Variants in SLC16A7 observed in about 807,000 individuals in gnomAD.
SLC16A7 encodes the protein solute carrier family 16 member 7, also known as monocarboxylate transporter 2.
SLC16A7 carries 33 observed loss-of-function variants against 34.9 expected under a neutral mutation model. The ratio of observed to expected loss-of-function variants is 0.94; its 90% CI spans 0.72 to 1.26. The LOEUF (loss-of-function observed/expected upper bound fraction) is 1.26. SLC16A7 is among the 50% of genes most tolerant of loss of function. SLC16A7 has a pLI of 0.00. For synonymous variants in SLC16A7, 201 were observed against 206.6 expected (o/e 0.97, Z 0.23); for missense variants, 573 against 578.1 (o/e 0.99, Z 0.09).
rs907436979 is a variant in SLC16A7, at chr12:59,788,113, C to CTACT, written c.*8438_*8441dup. 3 of 151,972 alleles carry CTACT rather than the reference C, an allele frequency of 2.0e-5. No individual in the cohort carries two copies. Among genetic ancestry groups the CTACT allele is most frequent in the Admixed American group, 6.6e-5 (1 of 15,240 alleles). 9.4% of individuals were successfully genotyped at this position (151,972 alleles called of 1,614,324 possible). A position where few individuals can be genotyped will look rare whatever the true frequency, so the allele number is the denominator to read the frequency against. ...TAGATTTTTGAAATTGTTTTACTTA[C>CTACT]TACTTACATACTTTGAACAAATATG... On this transcript the variant is annotated 3_prime_UTR_variant, in exon 6 of 6. Coordinates refer to ENST00000547379, the MANE Select transcript of SLC16A7 (RefSeq NM_001270623.2).
intron 2 of SLC16A7, among the ~76,000 whole-genome samples, chr12:59,679,055 G>A (rs1278721561): frequency 1.3e-5 from 2 of 152,202 alleles, no homozygotes; most frequent in Non-Finnish European, 2.9e-5. Context: ...CCAGGCTGTG[G>A]GAGCAGGCAT....
chr12:59,634,239 A>G, intron 1 of SLC16A7, among the ~76,000 whole-genome samples: 1 of 152,068 alleles, frequency 6.6e-6, no homozygotes. Flanking sequence ...TGTGTGCATT[A>G]TGAGCACACT....
intron 1 of SLC16A7, among the ~76,000 whole-genome samples, chr12:59,600,345 A>T (rs922804606): frequency 1.3e-5 from 2 of 152,224 alleles, no homozygotes; most frequent in Middle Eastern, 3.4e-3. Flanking sequence ...CATTAAGTGG[A>T]CTCCCTTTGA....
At chr12:59,686,525 AT>A (rs1871176446) in intron 2 of SLC16A7, among the ~76,000 whole-genome samples, 1 of 152,086 alleles carries the variant, frequency 6.6e-6, no homozygotes, top group African/African-American at 2.4e-5. Context: ...GTCATTTTAC[AT>A]TTCCAACAGT....
chr12:59,637,606 T>G (rs929515494), intron 1 of SLC16A7, among the ~76,000 whole-genome samples: 12 of 152,052 alleles, frequency 7.9e-5, no homozygotes, highest in African/African-American at 2.9e-4. Flanking sequence ...CATGGCAAAT[T>G]TATTTAATCA....
intron 3 of SLC16A7, among the ~76,000 whole-genome samples, chr12:59,752,634 G>A (rs2137337881): frequency 6.6e-6 from 1 of 152,220 alleles, no homozygotes; most frequent in South Asian, 2.1e-4. Context: ...TCTCATTGGT[G>A]TACCTGAAAG....
intron 3 of SLC16A7, among the ~76,000 whole-genome samples, chr12:59,734,349 C>G (rs912235734): frequency 3.5e-4 from 53 of 152,328 alleles, no homozygotes; most frequent in African/African-American, 1.2e-3. Context: ...CAACAGCACC[C>G]AGGCTCGGCT....
intron 1 of SLC16A7, among the ~76,000 whole-genome samples, chr12:59,634,880 TA>T (rs1399145480): frequency 6.6e-6 from 1 of 152,028 alleles, no homozygotes; most frequent in Non-Finnish European, 1.5e-5. Context: ...TTCCTAGATA[TA>T]AATTATATTG....
In SLC16A7 at chr12:59,779,846, C is replaced by G. The variant is rs1883113350; in HGVS notation, c.*167C>G. ...CAAATTTTAAATTAGTTTTTAAAAACTTACTTATTTGGGTAGTTAAATTTT... is the reference window on the plus strand; with the variant it reads ...CAAATTTTAAATTAGTTTTTAAAAAGTTACTTATTTGGGTAGTTAAATTTT... On this transcript the variant is annotated 3_prime_UTR_variant, in exon 6 of 6. Coordinates refer to ENST00000547379, the MANE Select transcript of SLC16A7 (RefSeq NM_001270623.2). 1.8e-6 allele frequency: 1 copy of G among 556,334 alleles called. No homozygotes were observed. The highest frequency in any genetic ancestry group is 2.4e-5 in the South Asian group (1 of 41,788). 34.5% of individuals were successfully genotyped at this position (556,334 alleles called of 1,614,324 possible). A position where few individuals can be genotyped will look rare whatever the true frequency, so the allele number is the denominator to read the frequency against.
intron 1 of SLC16A7, among the ~76,000 whole-genome samples, chr12:59,605,528 C>G (rs924965844): frequency 9.9e-5 from 15 of 152,176 alleles, no homozygotes; most frequent in Non-Finnish European, 5.9e-5. Flanking sequence ...AATAAAGCCT[C>G]TGACATATTT....
At chr12:59,714,399 C>G (rs1473581640) in intron 3 of SLC16A7, among the ~76,000 whole-genome samples, 1 of 152,200 alleles carries the variant, frequency 6.6e-6, no homozygotes, top group Non-Finnish European at 1.5e-5. Flanking sequence ...AAATTTATTT[C>G]TCACAGCTGT....
intron 1 of SLC16A7, among the ~76,000 whole-genome samples, chr12:59,600,438 A>G (rs1054086357): frequency 1.3e-5 from 2 of 151,970 alleles, no homozygotes; most frequent in Non-Finnish European, 2.9e-5. Context: ...ACATCTGCAC[A>G]CTAGCTCTCA....
At chr12:59,771,428 T>C (rs988901580) in intron 4 of SLC16A7, 66 bp downstream of exon 4, 128 of 1,119,278 alleles carry the variant, frequency 1.1e-4, no homozygotes, top group South Asian at 4.9e-4. Flanking sequence ...ATGAGAAGAA[T>C]GAACAACAGA....
chr12:59,686,844 A>G (rs181582626), intron 2 of SLC16A7, among the ~76,000 whole-genome samples: 9 of 152,092 alleles, frequency 5.9e-5, no homozygotes, highest in African/African-American at 2.2e-4. Flanking sequence ...TTCTGTTAGG[A>G]GGAATAAGTT....
intron 2 of SLC16A7, among the ~76,000 whole-genome samples, chr12:59,661,088 G>A (rs904983107): frequency 6.6e-6 from 1 of 152,086 alleles, no homozygotes; most frequent in Non-Finnish European, 1.5e-5. Context: ...GAGGAGAAGT[G>A]GTTGTGTGGT....
At position 59,623,078 on chromosome 12, in the gene SLC16A7, G is replaced by GTGTGTGTGTGTC. The variant is rs1313832025; in HGVS notation, c.-130+26853_-130+26854insCTGTGTGTGTGT. On this transcript the variant is annotated intron_variant, in intron 1 of 5. Coordinates refer to ENST00000547379, the MANE Select transcript of SLC16A7 (RefSeq NM_001270623.2). Reference sequence around the variant, plus strand: ...TGTGTGTGTGTGTGTGTGTGTGTGTGTGTGTGTGTGTGTGTCTGTATGTGC... The same window carrying GTGTGTGTGTGTC: ...TGTGTGTGTGTGTGTGTGTGTGTGTGTGTGTGTGTGTCTGTGTGTGTGTGTGTCTGTATGTGC... Among the ~76,000 whole-genome samples the GTGTGTGTGTGTC allele has an allele frequency of 2.8e-4, 41 of 147,974 alleles. 1 individual carries two copies. The South Asian group carries it at 7.4e-3, about 27-fold the overall frequency.
At chr12:59,746,334 C>G (rs1878887738) in intron 3 of SLC16A7, among the ~76,000 whole-genome samples, 1 of 152,182 alleles carries the variant, frequency 6.6e-6, no homozygotes. Flanking sequence ...AGAGCCAAAG[C>G]AGATTTTATT....
intron 3 of SLC16A7, among the ~76,000 whole-genome samples, chr12:59,729,001 A>G (rs1876619211): frequency 6.6e-6 from 1 of 152,140 alleles, no homozygotes; most frequent in Non-Finnish European, 1.5e-5. Flanking sequence ...TCATGTTGTA[A>G]TTCATTTTTG....
At chr12:59,663,745 T>G (rs1044405407) in intron 2 of SLC16A7, among the ~76,000 whole-genome samples, 1 of 152,128 alleles carries the variant, frequency 6.6e-6, no homozygotes, top group Non-Finnish European at 1.5e-5. Flanking sequence ...TTTTTAAGCT[T>G]AAGTTTTCAG....
Sources: allele counts gnomAD v4.1 joint callset (sites outside exome capture counted in the v4.1 genomes callset), GRCh38; gene constraint gnomAD v4.1.1; transcripts MANE v1.5; gene names NCBI Gene and HGNC (gene_info 2026-07-23, HGNC 2026-07-21).